The following NCKAP5 variants were observed in gnomAD, a reference collection of about 807,000 sequenced individuals.
The protein encoded by NCKAP5 is NCK associated protein 5.
In NCKAP5, 92 loss-of-function variants were observed where a neutral mutation model predicts 167.0. The observed-to-expected ratio is 0.55, with a 90% CI of 0.47 to 0.66. The LOEUF (loss-of-function observed/expected upper bound fraction) is 0.66, where lower values mean the gene tolerates loss of function less well. Ranked by LOEUF, NCKAP5 falls within the 30% of genes least tolerant of loss-of-function variation. The pLI, the probability that NCKAP5 is intolerant of heterozygous loss-of-function variation, is 0.00. For synonymous variants in NCKAP5, 891 were observed against 877.4 expected (o/e 1.02, Z -0.27); for missense variants, 2,378 against 2,315.0 (o/e 1.03, Z -0.56).
At chr2:133,308,756 C>T (rs1574661863) in intron 3 of NCKAP5, among the ~76,000 whole-genome samples, 1 of 117,748 alleles carries the variant, frequency 8.5e-6, no homozygotes, top group African/African-American at 3.3e-5. Context: ...GGCCGGACTG[C>T]GGACTGCAGT....
At chr2:133,308,689 CTTTTTTTTTTTTTT>C (rs35760716) in intron 3 of NCKAP5, among the ~76,000 whole-genome samples, 4 of 59,256 alleles carry the variant, frequency 6.8e-5, no homozygotes, top group East Asian at 5.5e-4. Context: ...AAATACAATT[CTTTTTTTTTTTTTT>C]TTTTTTTTTT....
chr2:133,179,702 T>C (rs1012602430), intron 5 of NCKAP5, among the ~76,000 whole-genome samples: 1 of 152,136 alleles, frequency 6.6e-6, no homozygotes, highest in Admixed American at 6.5e-5. Context: ...AAAAATTCAG[T>C]AGCCAAAATA....
chr2:132,806,439 GT>G (rs143564148), intron 11 of NCKAP5, among the ~76,000 whole-genome samples: 2 of 149,362 alleles, frequency 1.3e-5, no homozygotes, highest in African/African-American at 4.9e-5. Flanking sequence ...GACATCTCCT[GT>G]TTTTTTTTCA....
chr2:133,343,787 T>C (rs1274807142), intron 3 of NCKAP5, among the ~76,000 whole-genome samples: 1 of 152,236 alleles, frequency 6.6e-6, no homozygotes, highest in Non-Finnish European at 1.5e-5. Context: ...TGAATTCACG[T>C]CGCCATAAGC....
intron 15 of NCKAP5, among the ~76,000 whole-genome samples, chr2:132,774,779 T>C (rs900599495): frequency 1.3e-5 from 2 of 152,220 alleles, no homozygotes; most frequent in African/African-American, 2.4e-5. Context: ...AGGTGCTGTT[T>C]GCACGTAAGA....
chr2:133,420,501 T>C (rs1172212874), intron 3 of NCKAP5, among the ~76,000 whole-genome samples: 6 of 152,238 alleles, frequency 3.9e-5, no homozygotes, highest in African/African-American at 1.4e-4. Flanking sequence ...GTTTCTTTTT[T>C]CAGTGATGAA....
At chr2:133,316,386 C>T (rs1287735990) in intron 3 of NCKAP5, among the ~76,000 whole-genome samples, 1 of 152,132 alleles carries the variant, frequency 6.6e-6, no homozygotes, top group East Asian at 1.9e-4. Context: ...TTTAGGAAAA[C>T]CTAGACTGCC....
At chr2:133,174,708 T>TC (rs1169081135) in intron 5 of NCKAP5, among the ~76,000 whole-genome samples, 1 of 149,932 alleles carries the variant, frequency 6.7e-6, no homozygotes, top group African/African-American at 2.5e-5. Context: ...ACATCTTTTT[T>TC]TTTTTTTCTC....
At chr2:133,656,707 T>A in the NCKAP5 span, among the ~76,000 whole-genome samples, 1 of 152,206 alleles carries the variant, frequency 6.6e-6, no homozygotes, top group East Asian at 1.9e-4. Context: ...CTAAAATAAA[T>A]GCACCAAGTG....
intron 11 of NCKAP5, among the ~76,000 whole-genome samples, chr2:132,840,005 A>G (rs1214792639): frequency 2.0e-5 from 3 of 152,124 alleles, no homozygotes; most frequent in Non-Finnish European, 4.4e-5. Flanking sequence ...TACAAGATGA[A>G]TTGTTTGTCT....
At chr2:133,479,098 G>C (rs1680197153) in intron 3 of NCKAP5, among the ~76,000 whole-genome samples, 2 of 152,118 alleles carry the variant, frequency 1.3e-5, no homozygotes, top group Admixed American at 1.3e-4. Context: ...TGCAACTTTG[G>C]CTCAAGATTT....
the NCKAP5 span, among the ~76,000 whole-genome samples, chr2:133,577,471 T>C: frequency 2.6e-5 from 4 of 152,182 alleles, no homozygotes; most frequent in Admixed American, 2.6e-4. Flanking sequence ...ATTTCCCTGT[T>C]CTCAGCAGTT....
chr2:132,829,311 C>T (rs10197569), intron 11 of NCKAP5, among the ~76,000 whole-genome samples: 2,472 of 152,134 alleles, frequency 0.016, 61 homozygotes, highest in African/African-American at 0.057. Flanking sequence ...GGAGCAGCAA[C>T]GCCTACCTTA....
At chr2:133,188,994 G>A (rs1191657311) in intron 5 of NCKAP5, among the ~76,000 whole-genome samples, 1 of 152,084 alleles carries the variant, frequency 6.6e-6, no homozygotes, top group Non-Finnish European at 1.5e-5. Flanking sequence ...ATGAATCCAG[G>A]AGCTGGTTTT....
Position 133,318,682 on chromosome 2 carries a change from C to A in NCKAP5, c.70-15572G>T. 1.3e-5 allele frequency among the ~76,000 whole-genome samples: 2 copies of A among 152,214 alleles called. 1 individual carries two copies. The highest frequency in any genetic ancestry group is 4.2e-4 in the South Asian group (2 of 4,808). ...AAAATCTGGAGAGAAATGGGACATA[C>A]GGCAACTTTTAAGTTGAAAGCCCTT... On this transcript the variant is annotated intron_variant, in intron 3 of 19. Transcript: ENST00000409261.
chr2:133,464,119 C>T (rs1281838187), intron 3 of NCKAP5, among the ~76,000 whole-genome samples: 2 of 152,166 alleles, frequency 1.3e-5, no homozygotes, highest in Non-Finnish European at 2.9e-5. Flanking sequence ...TGCTTGCTCA[C>T]TAGCAATATA....
chr2:133,664,989 C>T, the NCKAP5 span, among the ~76,000 whole-genome samples: 1 of 152,202 alleles, frequency 6.6e-6, no homozygotes, highest in Non-Finnish European at 1.5e-5. Context: ...TTTTCATCCT[C>T]ACCTCTGTCA....
chr2:133,582,830 C>G, the NCKAP5 span, among the ~76,000 whole-genome samples: 10 of 152,174 alleles, frequency 6.6e-5, no homozygotes, highest in Non-Finnish European at 1.0e-4. Flanking sequence ...CTCTCTAAAG[C>G]CTTCACTCAG....
intron 19 of NCKAP5, among the ~76,000 whole-genome samples, chr2:132,705,533 T>C (rs1371004891): frequency 6.6e-6 from 1 of 152,186 alleles, no homozygotes; most frequent in Non-Finnish European, 1.5e-5. Context: ...TCTTTCCCCT[T>C]GAAAACTCTT....
Sources: gnomAD v4.1 joint callset for allele counts (sites outside exome capture counted in the v4.1 genomes callset) on GRCh38, gnomAD v4.1.1 for gene constraint, MANE v1.5 for transcripts, NCBI Gene and HGNC (gene_info 2026-07-23, HGNC 2026-07-21) for gene names.